Variants in MYT1 observed in about 807,000 individuals in gnomAD.
MYT1 encodes myelin transcription factor I.
MYT1 carries 23 observed loss-of-function variants against 123.0 expected under a neutral mutation model. The ratio of observed to expected loss-of-function variants is 0.19; its 90% CI spans 0.13 to 0.26. MYT1 has a LOEUF of 0.26. MYT1 is among the 10% of genes least tolerant of loss of function. The probability of loss-of-function intolerance (pLI) is 1.00; values close to 1 mark genes in which losing one functional copy is unlikely to be tolerated. For missense variants in MYT1, 1,125 were observed against 1,472.5 expected (o/e 0.76, Z 3.86); for synonymous variants, 518 against 575.3 (o/e 0.90, Z 1.43).
intron 6 of MYT1, among the ~76,000 whole-genome samples, chr20:64,206,737 C>A (rs1983496787): frequency 6.6e-6 from 1 of 152,200 alleles, no homozygotes. Flanking sequence ...TTCCTGCTTT[C>A]TTATCAAGAA....
At chr20:64,226,638 G>C (rs970551877) in intron 16 of MYT1, among the ~76,000 whole-genome samples, 3 of 152,216 alleles carry the variant, frequency 2.0e-5, no homozygotes, top group Non-Finnish European at 4.4e-5. Context: ...AACATCAGCA[G>C]GAACTCACAT....
At chr20:64,227,527 T>C in intron 17 of MYT1, 50 bp downstream of exon 17, 1 of 1,532,542 alleles carries the variant, frequency 6.5e-7, no homozygotes, top group Non-Finnish European at 9.0e-7. Context: ...GGGCAGGGAG[T>C]CTCTTCCTTA....
chr20:64,220,313 C>T (rs1983964269), intron 13 of MYT1, among the ~76,000 whole-genome samples: 1 of 152,190 alleles, frequency 6.6e-6, no homozygotes, highest in African/African-American at 2.4e-5. Context: ...GTTCAGATCC[C>T]AGGAGTTGAT....
intron 19 of MYT1, among the ~76,000 whole-genome samples, chr20:64,234,848 C>A (rs1160627540): frequency 1.4e-5 from 2 of 140,408 alleles, no homozygotes; most frequent in Non-Finnish European, 3.1e-5. Flanking sequence ...GGTGGGTGAC[C>A]CTGGGCTGGC....
Position 64,205,093 on chromosome 20 carries a change from C to T in MYT1, c.145C>T (p.Arg49Ter). ...GHVRGKYSRH[R>*]SLQSCPLAKK... ...CGTCCGGGGCAAGTACTCCAGGCAC[C>T]GAAGGTAAGAGGACCCTTGGATCTC... Residue 49 changes from arginine (R) to a stop codon, truncating the protein, a stop_gained, in exon 5 of 23, where the codon CGA becomes TGA. Transcript: ENST00000328439. LOFTEE classifies it high-confidence loss of function. 1 of 1,614,026 alleles carries T rather than the reference C, an allele frequency of 6.2e-7. No homozygotes were observed. The highest frequency in any genetic ancestry group is 8.5e-7 in the Non-Finnish European group (1 of 1,180,024).
Position 64,208,589 on chromosome 20 carries a change from G to T in MYT1, c.1291+102G>T. On this transcript the variant is annotated intron_variant, in intron 7 of 22. Coordinates refer to ENST00000328439, the MANE Select transcript of MYT1 (RefSeq NM_004535.3). This position sits in a 1 kb window ranked among gnomAD's most constrained non-coding sequence, Gnocchi z 5.4. ...GCCCTTCTAGGACAGGGGGCTGGGG[G>T]ATGGCAGAAAAGCAGACAAAAGGAC... 1 of 1,461,212 alleles carries T rather than the reference G, an allele frequency of 6.8e-7. No individual in the cohort carries two copies. Among genetic ancestry groups the T allele is most frequent in the Non-Finnish European group, 9.0e-7 (1 of 1,107,830 alleles). The allele number at this position is 1,461,212 out of a possible 1,614,324, so 90.5% of individuals were successfully genotyped here. A position where few individuals can be genotyped will look rare whatever the true frequency, so the allele number is the denominator to read the frequency against.
rs891104548 is a variant in MYT1 at position 64,193,271 on chromosome 20, G to A, written c.-1+3111G>A. ...AGATCAAGAGAGTGGAAAGCAGGAT[G>A]TGTGCTGAGGTCACCGACTTTCTAT... On this transcript the variant is annotated intron_variant, in intron 2 of 22. Transcript: ENST00000328439. This position sits in a 1 kb window ranked among gnomAD's most constrained non-coding sequence, Gnocchi z 4.0. 3.9e-5 allele frequency among the ~76,000 whole-genome samples: 6 copies of A among 152,280 alleles called. No individual in the cohort carries two copies. The East Asian group carries it at 1.2e-3, about 29-fold the overall frequency.
intron 18 of MYT1, among the ~76,000 whole-genome samples, chr20:64,229,332 G>T (rs1415672545): frequency 1.3e-5 from 2 of 152,192 alleles, no homozygotes; most frequent in African/African-American, 2.4e-5. Flanking sequence ...TGCTGGCAGG[G>T]ATATTATAAG....
At chr20:64,172,379 G>A (rs1982310994) in intron 1 of MYT1, among the ~76,000 whole-genome samples, 1 of 152,192 alleles carries the variant, frequency 6.6e-6, no homozygotes. Flanking sequence ...ATCCCCAAGG[G>A]CTTTGAGGCC....
intron 4 of MYT1, among the ~76,000 whole-genome samples, chr20:64,201,952 G>C (rs1317882787): frequency 7.2e-6 from 1 of 138,612 alleles, no homozygotes; most frequent in Non-Finnish European, 1.6e-5. Flanking sequence ...GAACCTCTGC[G>C]TGTCGGGAAC....
intron 13 of MYT1, 84 bp downstream of exon 13, chr20:64,220,066 G>A (rs1456536581): frequency 7.1e-7 from 1 of 1,404,562 alleles, no homozygotes; most frequent in African/African-American, 1.5e-5. Context: ...GGCTTTTCAA[G>A]GAAGCTTCTC....
At chr20:64,194,535 A>G (rs1983050039) in intron 2 of MYT1, among the ~76,000 whole-genome samples, 1 of 152,218 alleles carries the variant, frequency 6.6e-6, no homozygotes, top group African/African-American at 2.4e-5. Flanking sequence ...TTCAGCCAGG[A>G]TTCTGTCCTT....
Position 64,213,828 on chromosome 20 carries a change from G to A in MYT1, c.1631+181G>A, listed in dbSNP as rs561625598. On this transcript the variant is annotated intron_variant, in intron 10 of 22. Coordinates refer to ENST00000328439, the MANE Select transcript of MYT1 (RefSeq NM_004535.3). The surrounding 1 kb of genome is among the most constrained non-coding windows in gnomAD (Gnocchi z 5.6). ...CGGGCCCCCCAGGAGCAGAACTGCG[G>A]GGCAGTTTTGGAGCCACACAGGACA... Among the ~76,000 whole-genome samples, 3 of 152,310 alleles carry A rather than the reference G, an allele frequency of 2.0e-5. No individual in the cohort carries two copies. Among genetic ancestry groups the A allele is most frequent in the Admixed American group, 2.0e-4 (3 of 15,306 alleles).
At chr20:64,237,465 A>C in intron 21 of MYT1, 75 bp downstream of exon 21, 1 of 1,159,024 alleles carries the variant, frequency 8.6e-7, no homozygotes, top group South Asian at 1.4e-5. Context: ...ACAGTGAGGC[A>C]TCCGTCGGCA....
Position 64,192,108 on chromosome 20 carries a change from CT to C in MYT1, c.-1+1949del, listed in dbSNP as rs1326092814. 2.0e-5 allele frequency among the ~76,000 whole-genome samples: 3 copies of C among 152,154 alleles called. No individual in the cohort carries two copies. The highest frequency in any genetic ancestry group is 2.9e-5 in the Non-Finnish European group (2 of 68,040). ...ATGACAAACTCAGAGAGTTTGGGAC[CT>C]ACCATGACAACCCATGGCTGTTCAA... On this transcript the variant is annotated intron_variant, in intron 2 of 22. Transcript: ENST00000328439. The surrounding 1 kb of genome is among the most constrained non-coding windows in gnomAD (Gnocchi z 5.3).
At chr20:64,173,623 T>A (rs1309040216) in intron 1 of MYT1, among the ~76,000 whole-genome samples, 1 of 151,360 alleles carries the variant, frequency 6.6e-6, no homozygotes, top group Non-Finnish European at 1.5e-5. Flanking sequence ...CCTCCCTGAC[T>A]TCTCCTCCTG....
In MYT1 at chr20:64,203,698, T is replaced by G. The variant is rs1983393442; in HGVS notation, c.87-1337T>G. On this transcript the variant is annotated intron_variant, in intron 4 of 22. Coordinates refer to ENST00000328439, the MANE Select transcript of MYT1 (RefSeq NM_004535.3). This position sits in a 1 kb window ranked among gnomAD's most constrained non-coding sequence, Gnocchi z 5.1. ...GGATAGGGTAAGGCCTGGATTCTGC[T>G]GACGGTTCTCCCAGAGGTAGTCGGG... is the stretch of plus-strand genomic sequence containing the variant. Among the ~76,000 whole-genome samples the G allele has an allele frequency of 1.3e-5, 2 of 152,234 alleles. No individual in the cohort carries two copies.
chr20:64,197,500 A>G (rs923327422), intron 2 of MYT1, among the ~76,000 whole-genome samples: 1 of 152,132 alleles, frequency 6.6e-6, no homozygotes. Flanking sequence ...GAGCCCTGGC[A>G]GCTCTGGTGT....
intron 11 of MYT1, 147 bp downstream of exon 11, chr20:64,217,428 G>C: frequency 1.2e-6 from 1 of 860,022 alleles, no homozygotes; most frequent in Admixed American, 2.3e-5. Context: ...GCAGGCTGGA[G>C]GTCTCAGCTG....
Sources: allele counts gnomAD v4.1 joint callset (sites outside exome capture counted in the v4.1 genomes callset), GRCh38; gene constraint gnomAD v4.1.1; non-coding constraint Gnocchi (gnomAD v3.1); transcripts MANE v1.5; gene names NCBI Gene and HGNC (gene_info 2026-07-23, HGNC 2026-07-21).